SUCLG2: variants seen among roughly 807,000 people sequenced by gnomAD.
SUCLG2 encodes the protein succinate--CoA ligase [GDP-forming] subunit beta, mitochondrial.
SUCLG2 carries 42 observed loss-of-function variants against 47.9 expected under a neutral mutation model. The ratio of observed to expected loss-of-function variants is 0.88; its 90% CI spans 0.69 to 1.14. The LOEUF is 1.14. Ranked by LOEUF, SUCLG2 falls within the 50% of genes most tolerant of loss-of-function variation. The pLI is 0.00. For synonymous variants in SUCLG2, 195 were observed against 197.3 expected (o/e 0.99, Z 0.10); for missense variants, 571 against 525.9 (o/e 1.09, Z -0.84).
intron 2 of SUCLG2, among the ~76,000 whole-genome samples, chr3:67,579,525 G>C (rs1347921537): frequency 6.6e-6 from 1 of 152,062 alleles, no homozygotes; most frequent in African/African-American, 2.4e-5. Flanking sequence ...GGTAAAATTC[G>C]AACAGATGTT....
At chr3:67,529,216 T>C (rs776000214) in intron 2 of SUCLG2, 30 bp from the exon 3 acceptor site, 8 of 1,557,626 alleles carry the variant, frequency 5.1e-6, no homozygotes, top group Non-Finnish European at 7.0e-6. Flanking sequence ...AGTTGGTAGC[T>C]GATTTTAAAT....
At chr3:67,509,259 C>T (rs1318412047) in intron 6 of SUCLG2, among the ~76,000 whole-genome samples, 2 of 152,126 alleles carry the variant, frequency 1.3e-5, no homozygotes, top group Non-Finnish European at 2.9e-5. Context: ...AAAAGGTAAA[C>T]ATGATTTTGA....
intron 9 of SUCLG2, among the ~76,000 whole-genome samples, chr3:67,449,751 C>G (rs1367991004): frequency 6.6e-6 from 1 of 151,834 alleles, no homozygotes; most frequent in African/African-American, 2.4e-5. Flanking sequence ...GTAGCTGGGA[C>G]TACAGGTGTG....
intron 2 of SUCLG2, among the ~76,000 whole-genome samples, chr3:67,538,987 A>G (rs555553168): frequency 6.6e-6 from 1 of 152,342 alleles, no homozygotes; most frequent in Admixed American, 6.5e-5. Flanking sequence ...CTAAATATAC[A>G]ATCATGTCAT....
At chr3:67,545,421 C>T (rs1044889894) in intron 2 of SUCLG2, among the ~76,000 whole-genome samples, 2 of 152,196 alleles carry the variant, frequency 1.3e-5, no homozygotes, top group African/African-American at 2.4e-5. Flanking sequence ...TGAGGTCCAG[C>T]ATAACTGTTA....
intron 1 of SUCLG2, among the ~76,000 whole-genome samples, chr3:67,646,109 G>C (rs1277841280): frequency 7.3e-6 from 1 of 136,710 alleles, no homozygotes; most frequent in Non-Finnish European, 1.6e-5. Context: ...GGGAGGGGAG[G>C]AGAGGGGAGG....
rs548349605 is a variant in SUCLG2 at position 67,398,505 on chromosome 3, A to C, written c.1183+2226T>G. ...CACACCAGTGAGAATGGCAATCATT[A>C]AAAAGTCAGGAAACAACAGGTGCTG... On this transcript the variant is annotated intron_variant, in intron 10 of 10. Transcript: ENST00000307227. 8.5e-3 allele frequency among the ~76,000 whole-genome samples: 1,287 copies of C among 151,978 alleles called. 15 individuals are homozygous for C. The highest frequency in any genetic ancestry group is 0.028 in the African/African-American group (1,168 of 41,430).
At chr3:67,622,427 C>T (rs571286686) in intron 1 of SUCLG2, among the ~76,000 whole-genome samples, 26 of 152,036 alleles carry the variant, frequency 1.7e-4, no homozygotes, top group African/African-American at 3.1e-4. Context: ...ATGGATTTTC[C>T]GATGAGACAA....
intron 9 of SUCLG2, among the ~76,000 whole-genome samples, chr3:67,451,521 A>AGGCAAATTCACATTTTGTT (rs1704057157): frequency 1.3e-5 from 2 of 152,180 alleles, no homozygotes; most frequent in African/African-American, 4.8e-5. Flanking sequence ...GGCTAGGTAC[A>AGGCAAATTCACATTTTGTT]GGCAAATTCA....
intron 9 of SUCLG2, among the ~76,000 whole-genome samples, chr3:67,459,222 G>T (rs1252881440): frequency 2.0e-5 from 3 of 151,912 alleles, no homozygotes; most frequent in Non-Finnish European, 2.9e-5. Flanking sequence ...TGGCCTGCTT[G>T]ACGAAGCACA....
At chr3:67,440,160 GGAAAACTGGCTAGCCATATGCA>G (rs1201733378) in intron 9 of SUCLG2, among the ~76,000 whole-genome samples, 26 of 152,286 alleles carry the variant, frequency 1.7e-4, no homozygotes, top group African/African-American at 6.0e-4. Context: ...AATGGTGTTT[GGAAAACTGGCTAGCCATATGCA>G]GAAAACTGAA....
chr3:67,378,341 G>C (rs1484140543), intron 10 of SUCLG2, among the ~76,000 whole-genome samples: 1 of 152,162 alleles, frequency 6.6e-6, no homozygotes, highest in East Asian at 1.9e-4. Context: ...AAAGCCTGTG[G>C]CTTCAGTCTT....
rs193178750 is a variant in SUCLG2, at chr3:67,535,691, T to A, written c.227-6505A>T. ...ATCTCAGGATGGGCCTGGGTCCATA[T>A]GGCTCAGCAGGATCAGCACTTGGGA... is the stretch of plus-strand genomic sequence containing the variant. On this transcript the variant is annotated intron_variant, in intron 2 of 10. Coordinates refer to ENST00000307227, the MANE Select transcript of SUCLG2 (RefSeq NM_003848.4). 3.9e-4 allele frequency among the ~76,000 whole-genome samples: 60 copies of A among 152,290 alleles called. No individual in the cohort carries two copies. In the East Asian group the frequency reaches 9.1e-3, roughly 23 times the overall value.
At chr3:67,408,553 GAGTCAAGTTTCC>G in intron 9 of SUCLG2, 1 of 872,868 alleles carries the variant, frequency 1.1e-6, no homozygotes. Context: ...ACTTGATGGA[GAGTCAAGTTTCC>G]ATTCAGGTTG....
At chr3:67,566,534 G>T (rs115176772) in intron 2 of SUCLG2, among the ~76,000 whole-genome samples, 1 of 152,138 alleles carries the variant, frequency 6.6e-6, no homozygotes, top group South Asian at 2.1e-4. Context: ...TTTCAACTAT[G>T]ATCATGTATT....
chr3:67,476,012 T>TCTCTCTCTCTCTCTCTCTCTCC (rs1342489887), intron 9 of SUCLG2, among the ~76,000 whole-genome samples: 1 of 151,644 alleles, frequency 6.6e-6, no homozygotes, highest in African/African-American at 2.4e-5. Flanking sequence ...TCTCTCTCTC[T>TCTCTCTCTCTCTCTCTCTCTCC]CACAAGCTAA....
chr3:67,646,836 C>T (rs1037158034), intron 1 of SUCLG2, among the ~76,000 whole-genome samples: 1 of 152,088 alleles, frequency 6.6e-6, no homozygotes, highest in African/African-American at 2.4e-5. Context: ...GATCTCCATT[C>T]TTGCATTTCT....
intron 10 of SUCLG2, among the ~76,000 whole-genome samples, chr3:67,395,761 A>G (rs1702509938): frequency 1.3e-5 from 2 of 152,186 alleles, no homozygotes; most frequent in African/African-American, 2.4e-5. Context: ...AATTGAACAC[A>G]TAGTTGGAAG....
At chr3:67,440,044 T>C (rs1455278894) in intron 9 of SUCLG2, among the ~76,000 whole-genome samples, 1 of 152,074 alleles carries the variant, frequency 6.6e-6, no homozygotes, top group African/African-American at 2.4e-5. Context: ...TATAGACCGA[T>C]GGAATAGAAC....
Sources: allele counts gnomAD v4.1 joint callset (sites outside exome capture counted in the v4.1 genomes callset), GRCh38; gene constraint gnomAD v4.1.1; transcripts MANE v1.5; gene names NCBI Gene and HGNC (gene_info 2026-07-23, HGNC 2026-07-21).